JPH3: variants seen among roughly 807,000 people sequenced by gnomAD.
The protein encoded by JPH3 is junctophilin 3, also known as junctophilin-3.
A neutral mutation model predicts 59.6 loss-of-function variants in JPH3; 11 were observed. The observed-to-expected ratio is 0.18, with a 90% confidence interval of 0.12 to 0.31. The LOEUF (loss-of-function observed/expected upper bound fraction) is 0.31, where lower values mean the gene tolerates loss of function less well. JPH3 is among the 10% of genes least tolerant of loss of function. JPH3 has a pLI of 1.00. For synonymous variants in JPH3, 673 were observed against 483.6 expected, an observed-to-expected ratio of 1.39 and a Z score of -5.14; for missense variants, 1,202 against 1,105.7, an observed-to-expected ratio of 1.09 and a Z score of -1.24.
chr16:87,659,044 C>T (rs2032608278), intron 2 of JPH3, among the ~76,000 whole-genome samples: 2 of 152,208 alleles, frequency 1.3e-5, no homozygotes, highest in African/African-American at 2.4e-5. Context: ...ACAGCGAAAG[C>T]CATGCAGCCT....
chr16:87,679,636 T>G (rs981253211), intron 2 of JPH3, among the ~76,000 whole-genome samples: 3 of 152,244 alleles, frequency 2.0e-5, no homozygotes, highest in Non-Finnish European at 4.4e-5. Context: ...GAAGCTGGTG[T>G]TCGCTGTCCG....
intron 2 of JPH3, among the ~76,000 whole-genome samples, chr16:87,675,723 T>G (rs1307155530): frequency 6.6e-6 from 1 of 152,182 alleles, no homozygotes; most frequent in Non-Finnish European, 1.5e-5. Flanking sequence ...GGTTTAAAGG[T>G]GGTCCCAGCT....
chr16:87,634,493 C>A (rs1003269916), intron 1 of JPH3, among the ~76,000 whole-genome samples: 2 of 152,228 alleles, frequency 1.3e-5, no homozygotes, highest in African/African-American at 4.8e-5. Context: ...CTGTTTCTTC[C>A]TTTCTCTGCG....
chr16:87,689,301 G>A (rs965085975), intron 3 of JPH3, among the ~76,000 whole-genome samples: 6 of 152,188 alleles, frequency 3.9e-5, no homozygotes, highest in Non-Finnish European at 7.4e-5. Context: ...CCTCAGGACA[G>A]GCGAGTCAGG....
chr16:87,618,905 A>G (rs927429058), intron 1 of JPH3, among the ~76,000 whole-genome samples: 1 of 152,196 alleles, frequency 6.6e-6, no homozygotes, highest in Non-Finnish European at 1.5e-5. Flanking sequence ...CCTGGCCAAC[A>G]TGGCAAAACT....
chr16:87,604,732 G>C, intron 1 of JPH3: 1 of 1,008,310 alleles, frequency 9.9e-7, no homozygotes. Context: ...GGGGGCTGGA[G>C]AGTAATTATT....
intron 2 of JPH3, among the ~76,000 whole-genome samples, chr16:87,676,282 T>G (rs1464915685): frequency 6.6e-6 from 1 of 152,234 alleles, no homozygotes; most frequent in Non-Finnish European, 1.5e-5. Context: ...TGTCCTAATA[T>G]ACAACAGTGT....
intron 2 of JPH3, among the ~76,000 whole-genome samples, chr16:87,652,576 G>A (rs1024003273): frequency 1.3e-5 from 2 of 152,244 alleles, no homozygotes; most frequent in African/African-American, 4.8e-5. Context: ...TGATCCTCCT[G>A]CTTCCGCCTT....
At chr16:87,622,556 T>TG (rs1371543795) in intron 1 of JPH3, among the ~76,000 whole-genome samples, 3 of 152,164 alleles carry the variant, frequency 2.0e-5, no homozygotes, top group African/African-American at 7.2e-5. Context: ...TGTGAGGCTG[T>TG]GGCTGGGGTA....
Position 87,690,525 on chromosome 16 carries a change from C to G in JPH3, c.2165C>G (p.Thr722Arg), listed in dbSNP as rs931354468. The change falls in exon 4 of 5, where the codon ACG becomes AGG. Residue 722 changes from threonine to arginine, a missense_variant and splice_region_variant. Physicochemically the swap from Thr to Arg is moderately conservative, Grantham distance 71 (BLOSUM62 -1). Coordinates refer to ENST00000284262, the MANE Select transcript of JPH3 (RefSeq NM_020655.4). ...EENGDELKSS[T>R]GSAPILVVMV... Reference sequence around the variant, plus strand: ...AATGGGGATGAGCTCAAGTCCAGTACGGTGAGTGGGCGGCCACCAGGCTGG... The same window carrying G: ...AATGGGGATGAGCTCAAGTCCAGTAGGGTGAGTGGGCGGCCACCAGGCTGG... 2 of 1,467,390 alleles carry G rather than the reference C, an allele frequency of 1.4e-6. No individual in the cohort carries two copies. The highest frequency in any genetic ancestry group is 2.8e-5 in the African/African-American group (2 of 70,298). The allele number at this position is 1,467,390 out of a possible 1,614,324, so 90.9% of individuals were successfully genotyped here. A position where few individuals can be genotyped will look rare whatever the true frequency, so the allele number is the denominator to read the frequency against.
chr16:87,602,379 G>C (rs1270544482), upstream of JPH3, among the ~76,000 whole-genome samples: 6 of 126,018 alleles, frequency 4.8e-5, no homozygotes, highest in African/African-American at 8.7e-5. Flanking sequence ...GCCCTAGCCT[G>C]CTGGGCCGCG....
chr16:87,686,223 G>A (rs950206461), intron 3 of JPH3, among the ~76,000 whole-genome samples: 2 of 152,200 alleles, frequency 1.3e-5, no homozygotes, highest in African/African-American at 4.8e-5. Context: ...ATGGGTGCAG[G>A]CTCCCCCACC....
chr16:87,608,607 G>A (rs893231084), intron 1 of JPH3, among the ~76,000 whole-genome samples: 18 of 152,186 alleles, frequency 1.2e-4, no homozygotes, highest in African/African-American at 4.3e-4. Context: ...CTTGGAGAGC[G>A]CTCCCGGCTG....
chr16:87,634,586 T>C (rs1191856814), intron 1 of JPH3, among the ~76,000 whole-genome samples: 1 of 152,214 alleles, frequency 6.6e-6, no homozygotes, highest in African/African-American at 2.4e-5. Context: ...AGCCACCACC[T>C]TGGGCTCCCC....
At chr16:87,621,042 C>G (rs900122571) in intron 1 of JPH3, among the ~76,000 whole-genome samples, 1 of 152,218 alleles carries the variant, frequency 6.6e-6, no homozygotes, top group African/African-American at 2.4e-5. Flanking sequence ...GCCTGTAGTC[C>G]CAGCTACTCA....
intron 1 of JPH3, among the ~76,000 whole-genome samples, chr16:87,642,644 C>T (rs2031992252): frequency 6.6e-6 from 1 of 152,222 alleles, no homozygotes; most frequent in Non-Finnish European, 1.5e-5. Context: ...GGTGGCACAT[C>T]CACGCCGTTA....
At position 87,644,314 on chromosome 16, in the gene JPH3, A is replaced by G. The variant is rs1483255245; in HGVS notation, c.439A>G (p.Ser147Gly). 1 of 1,612,746 alleles carries G rather than the reference A, an allele frequency of 6.2e-7. No homozygotes were observed. Among genetic ancestry groups the G allele is most frequent in the Non-Finnish European group, 8.5e-7 (1 of 1,179,878 alleles). ...GCGCCAGGGCTACGGCGTCCGGCAG[A>G]GCGTCCCGTATGGCATGGCCGCGGT... ...GMRQGYGVRQ[S>G]VPYGMAAVIR... Residue 147 changes from serine to glycine, a missense_variant, in exon 2 of 5, where the codon AGC becomes GGC. By Grantham distance (56) the Ser-to-Gly change is moderately conservative. Transcript: ENST00000284262.
At chr16:87,658,096 C>G (rs759009060) in intron 2 of JPH3, among the ~76,000 whole-genome samples, 1 of 152,204 alleles carries the variant, frequency 6.6e-6, no homozygotes, top group Non-Finnish European at 1.5e-5. Flanking sequence ...ATGCGGCCCA[C>G]GCTTCAGTGT....
intron 1 of JPH3, among the ~76,000 whole-genome samples, chr16:87,613,197 C>T (rs1307086350): frequency 1.4e-4 from 21 of 149,588 alleles, no homozygotes; most frequent in African/African-American, 3.7e-4. Context: ...GCCGGATTCA[C>T]GCCATTCTCC....
Sources: allele counts gnomAD v4.1 joint callset (sites outside exome capture counted in the v4.1 genomes callset), GRCh38; gene constraint gnomAD v4.1.1; transcripts MANE v1.5; gene names NCBI Gene and HGNC (gene_info 2026-07-23, HGNC 2026-07-21).